The following ADAM8 variants were observed in gnomAD, a reference collection of about 807,000 sequenced individuals.
ADAM8 encodes the protein disintegrin and metalloproteinase domain-containing protein 8.
A neutral mutation model predicts 102.4 loss-of-function variants in ADAM8; 104 were observed. The observed-to-expected ratio is 1.02, with a 90% CI of 0.87 to 1.20. ADAM8 has a LOEUF of 1.20. ADAM8 is among the 50% of genes most tolerant of loss of function. The pLI, the probability that ADAM8 is intolerant of heterozygous loss-of-function variation, is 0.00. For missense variants in ADAM8, 1,132 were observed against 1,159.0 expected (o/e 0.98, Z 0.34); for synonymous variants, 517 against 485.2 (o/e 1.07, Z -0.86).
chr10:133,271,700 CTG>C lies in ADAM8; in HGVS notation c.1110_1111del (p.Ser371PhefsTer7), dbSNP rs764475383. ...GCAGTCACTGAACATCCTGGGGAAA[CTG>C]GAGCTGGGGAGGCGGGGCAGCATTG... On this transcript the variant is annotated frameshift_variant, in exon 12 of 23. Transcript: ENST00000445355. LOFTEE classifies it high-confidence loss of function. 170 of 1,583,984 alleles carry C rather than the reference CTG, an allele frequency of 1.1e-4. No homozygotes were observed. The highest frequency in any genetic ancestry group is 1.3e-4 in the Admixed American group (7 of 54,804).
intron 22 of ADAM8, 35 bp downstream of exon 22, chr10:133,263,653 C>T: frequency 6.5e-7 from 1 of 1,527,044 alleles, no homozygotes; most frequent in South Asian, 1.2e-5. Context: ...GTCCATTGCA[C>T]AGTGGACTCT....
intron 12 of ADAM8, 112 bp from the exon 13 acceptor site, chr10:133,271,401 G>C: frequency 2.7e-6 from 4 of 1,482,050 alleles, no homozygotes; most frequent in Non-Finnish European, 3.6e-6. Flanking sequence ...CTCCCTCCCT[G>C]TGACCGCTCT....
At chr10:133,272,301 C>T (rs748547017) in intron 9 of ADAM8, 27 bp from the exon 10 acceptor site, 2 of 1,501,608 alleles carry the variant, frequency 1.3e-6, no homozygotes, top group South Asian at 1.3e-5. Flanking sequence ...CACAGATGCC[C>T]TGGACACGGC....
chr10:133,269,427 C>A lies in ADAM8; in HGVS notation c.1948+18G>T. ...AGCTTGGACCCCAGCCCCACCTGCG[C>A]TGGCCAGGGAGGCCTACCTGCGTGC... On this transcript the variant is annotated intron_variant, in intron 18 of 22. Transcript: ENST00000445355. The A allele has an allele frequency of 6.5e-7, 1 of 1,545,838 alleles. No homozygotes were observed. The highest frequency in any genetic ancestry group is 1.2e-5 in the South Asian group (1 of 83,204).
Position 133,268,779 on chromosome 10 carries a change from A to G in ADAM8, c.2032T>C (p.Tyr678His), listed in dbSNP as rs1241289975. 6.2e-7 allele frequency: 1 copy of G among 1,610,964 alleles called. No homozygotes were observed. Among genetic ancestry groups the G allele is most frequent in the Non-Finnish European group, 8.5e-7 (1 of 1,179,860 alleles). The change falls in exon 19 of 23, where the codon TAC becomes CAC. Residue 678 changes from tyrosine to histidine, a missense_variant. Coordinates refer to ENST00000445355, the MANE Select transcript of ADAM8 (RefSeq NM_001109.5). ...VLVTLAGIIV[Y>H]RKARSRILSR... ...AGGATGCGGCTCCGGGCTTTGCGGTAGACGATGATGCCTGCCAGGGTGACC... is the reference window on the plus strand; with the variant it reads ...AGGATGCGGCTCCGGGCTTTGCGGTGGACGATGATGCCTGCCAGGGTGACC...
intron 19 of ADAM8, 81 bp downstream of exon 19, chr10:133,268,667 C>A: frequency 6.9e-7 from 1 of 1,446,528 alleles, no homozygotes; most frequent in South Asian, 1.2e-5. Context: ...CCACCATGGG[C>A]CCGTGCTGGG....
chr10:133,267,589 G>C (rs1266164593), intron 20 of ADAM8, among the ~76,000 whole-genome samples, 172 bp from the exon 21 acceptor site: 1 of 152,246 alleles, frequency 6.6e-6, no homozygotes, highest in Non-Finnish European at 1.5e-5. Context: ...CCCCTCAGCC[G>C]TGTGATCCCG....
Position 133,273,750 on chromosome 10 carries a change from C to A in ADAM8, c.383+12G>T, listed in dbSNP as rs1243386337. ...ACCTGCGGGAGCCCTGGCGTTCGTC[C>A]GCCACACCCACCTGAGGCCGGCACA... On this transcript the variant is annotated intron_variant, in intron 5 of 22. Transcript: ENST00000445355. 3 of 1,547,440 alleles carry A rather than the reference C, an allele frequency of 1.9e-6. No individual in the cohort carries two copies. Among genetic ancestry groups the A allele is most frequent in the Non-Finnish European group, 2.6e-6 (3 of 1,146,670 alleles).
intron 17 of ADAM8, 43 bp from the exon 18 acceptor site, chr10:133,269,572 C>A: frequency 6.5e-7 from 1 of 1,528,508 alleles, no homozygotes; most frequent in East Asian, 2.3e-5. Flanking sequence ...GTTGTGGACC[C>A]CAAGGGGCCG....
chr10:133,273,277 C>T lies in ADAM8; in HGVS notation c.550G>A (p.Ala184Thr). 6.2e-7 allele frequency: 1 copy of T among 1,600,864 alleles called. No homozygotes were observed. Among genetic ancestry groups the T allele is most frequent in the Non-Finnish European group, 8.5e-7 (1 of 1,175,224 alleles). The change falls in exon 6 of 23, where the codon GCC (alanine) becomes ACC (threonine). Residue 184 changes from alanine to threonine, a missense_variant. Ala to Thr is a moderately conservative substitution (Grantham distance 58). Transcript: ENST00000445355. ...ACCCCGGGCCGAGGCCTGAAGACGG[C>T]TGCCGTCCGGGGTCCCAGGAGGCTG... ...LGSLLGPRTAAVFRPRPGDSL... is the reference protein window; with the variant it reads ...LGSLLGPRTATVFRPRPGDSL...
intron 21 of ADAM8, among the ~76,000 whole-genome samples, chr10:133,266,734 G>T (rs1846332546): frequency 6.6e-6 from 1 of 152,288 alleles, no homozygotes; most frequent in African/African-American, 2.4e-5. Flanking sequence ...CCCAGGAAGG[G>T]AGCTCAAGGG....
At position 133,265,785 on chromosome 10, in the gene ADAM8, G is replaced by A. The variant is rs148021264; in HGVS notation, c.2319+1567C>T. On this transcript the variant is annotated intron_variant, in intron 21 of 22. Transcript: ENST00000445355. ...TGCACTCCAGCCTGGGCGACAGAAC[G>A]AGACTCCATCTCAAAAAAAAAAAAG... is the stretch of plus-strand genomic sequence containing the variant. Among the ~76,000 whole-genome samples the A allele has an allele frequency of 5.1e-3, 771 of 151,280 alleles. 8 individuals carry two copies. Among genetic ancestry groups the A allele is most frequent in the African/African-American group, 0.018 (724 of 41,190 alleles).
In ADAM8 at chr10:133,263,751, C is replaced by T. The variant is rs778483310; in HGVS notation, c.2334G>A (p.Thr778=). ...RQAPKQVIKP[T]FAPPVPPVKP... is the part of the protein sequence containing the mutation. ...TGACTGGGGGCACTGGGGGTGCGAA[C>T]GTTGGCTTGATGACCTGGGAGGAAA... is the stretch of plus-strand genomic sequence containing the variant. The change falls in exon 22 of 23, where the codon ACG becomes ACA. Residue 778 remains threonine (T), a synonymous_variant. Coordinates refer to ENST00000445355, the MANE Select transcript of ADAM8 (RefSeq NM_001109.5). The T allele has an allele frequency of 2.6e-6, 4 of 1,533,280 alleles. No individual in the cohort carries two copies. Among genetic ancestry groups the T allele is most frequent in the East Asian group, 5.0e-5 (2 of 40,018 alleles). The allele number at this position is 1,533,280 out of a possible 1,614,324, so 95.0% of individuals were successfully genotyped here.
At chr10:133,264,760 C>A (rs1846272066) in intron 21 of ADAM8, among the ~76,000 whole-genome samples, 1 of 150,092 alleles carries the variant, frequency 6.7e-6, no homozygotes, top group Non-Finnish European at 1.5e-5. Context: ...GCTCTTGCTG[C>A]AGCCTCTGCC....
rs752560613 is a variant in ADAM8 at position 133,263,025 on chromosome 10, G to A, written c.*131C>T. ...CCTCTCAGGTAGATGCATTCCTGAG[G>A]TTAGAACAGCAGCTGAGCCTGCAAA... On this transcript the variant is annotated 3_prime_UTR_variant, in exon 23 of 23. Coordinates refer to ENST00000445355, the MANE Select transcript of ADAM8 (RefSeq NM_001109.5). 8.9e-7 allele frequency: 1 copy of A among 1,124,942 alleles called. No individual in the cohort carries two copies. Among genetic ancestry groups the A allele is most frequent in the Admixed American group, 1.7e-5 (1 of 58,400 alleles). 69.7% of individuals were successfully genotyped at this position (1,124,942 alleles called of 1,614,324 possible).
At position 133,263,143 on chromosome 10, in the gene ADAM8, C is replaced by G; in HGVS notation, c.*13G>C. On this transcript the variant is annotated 3_prime_UTR_variant, in exon 23 of 23. Coordinates refer to ENST00000445355, the MANE Select transcript of ADAM8 (RefSeq NM_001109.5). ...CAACTTCTCCAAATTTCCACACAGG[C>G]GCAGGTGCCCCCCTAGGGTGCTGTG... 1.9e-6 allele frequency: 3 copies of G among 1,614,034 alleles called. No homozygotes were observed. Among genetic ancestry groups the G allele is most frequent in the Non-Finnish European group, 2.5e-6 (3 of 1,179,912 alleles).
At position 133,271,843 on chromosome 10, in the gene ADAM8, A is replaced by C; in HGVS notation, c.1069T>G (p.Phe357Val). ...NVQGCRCQER[F>V]EAGRCIMAGS... is the part of the protein sequence containing the mutation. ...GCCATGATGCAGCGGCCGGCCTCGA[A>C]GCGTTCCTGGCAGCGGCAGCCCTGG... is the stretch of plus-strand genomic sequence containing the variant. Residue 357 changes from phenylalanine to valine, a missense_variant, in exon 11 of 23, where the codon TTC (phenylalanine) becomes GTC (valine). Coordinates refer to ENST00000445355, the MANE Select transcript of ADAM8 (RefSeq NM_001109.5). 1 of 1,612,438 alleles carries C rather than the reference A, an allele frequency of 6.2e-7. No individual in the cohort carries two copies. The highest frequency in any genetic ancestry group is 1.1e-5 in the South Asian group (1 of 91,080).
At chr10:133,266,138 A>C in intron 21 of ADAM8, among the ~76,000 whole-genome samples, 1 of 152,080 alleles carries the variant, frequency 6.6e-6, no homozygotes, top group Admixed American at 6.5e-5. Flanking sequence ...GGACAAACCC[A>C]GGCTGAGGGA....
In ADAM8 at chr10:133,275,507, G is replaced by A. The variant is rs776578211; in HGVS notation, c.127C>T (p.Arg43Cys). 18 of 1,530,908 alleles carry A rather than the reference G, an allele frequency of 1.2e-5. No homozygotes were observed. The highest frequency in any genetic ancestry group is 2.5e-5 in the South Asian group (2 of 80,774). 94.8% of individuals were successfully genotyped at this position (1,530,908 alleles called of 1,614,324 possible). Residue 43 changes from arginine (R) to cysteine (C), a missense_variant, in exon 2 of 23, where the codon CGC (arginine) becomes TGC (cysteine). By Grantham distance (180) the Arg-to-Cys change is radical. Coordinates refer to ENST00000445355, the MANE Select transcript of ADAM8 (RefSeq NM_001109.5). ...ACCAAGTGGGAGGGCAGAGCTCGGC[G>A]GACTCGGGGGCCTGGCAGACGCCAC... The part of the protein sequence containing the change: ...LPWRLPGPRV[R>C]RALPSHLGLH...
Sources: allele counts gnomAD v4.1 joint callset (sites outside exome capture counted in the v4.1 genomes callset), GRCh38; gene constraint gnomAD v4.1.1; transcripts MANE v1.5; gene names NCBI Gene and HGNC (gene_info 2026-07-23, HGNC 2026-07-21).